Variants in MICALL1 observed in about 807,000 individuals in gnomAD.
MICALL1 encodes the protein MICAL like 1.
A neutral mutation model predicts 83.7 loss-of-function variants in MICALL1; 61 were observed. The observed-to-expected ratio is 0.73, with a 90% CI of 0.59 to 0.90. The LOEUF is 0.90. MICALL1 is among the 40% of genes least tolerant of loss of function. The pLI, the probability that MICALL1 is intolerant of heterozygous loss-of-function variation, is 0.00. For missense variants in MICALL1, 1,066 were observed against 1,152.0 expected (o/e 0.93, Z 1.08); for synonymous variants, 481 against 473.6 (o/e 1.02, Z -0.20).
intron 3 of MICALL1, among the ~76,000 whole-genome samples, chr22:37,917,259 A>T (rs1450732970): frequency 1.3e-5 from 2 of 152,014 alleles, no homozygotes; most frequent in Non-Finnish European, 2.9e-5. Flanking sequence ...CCCAATACCC[A>T]CTTGGGGATA....
rs1257665171 is a variant in MICALL1, at chr22:37,930,004, C to T, written c.1882-1795C>T. On this transcript the variant is annotated intron_variant, in intron 9 of 15. Transcript: ENST00000215957. The surrounding 1 kb of genome is among the most constrained non-coding windows in gnomAD (Gnocchi z 4.8). ...TCCTCCTCTGGGCCTCGGGCTCCCA[C>T]AGATGGTGAGGGGCTGGCGGCACCA... 1.3e-5 allele frequency among the ~76,000 whole-genome samples: 2 copies of T among 152,256 alleles called. No individual in the cohort carries two copies. Among genetic ancestry groups the T allele is most frequent in the African/African-American group, 2.4e-5 (1 of 41,474 alleles).
At chr22:37,927,207 G>T in intron 8 of MICALL1, 1 of 562,834 alleles carries the variant, frequency 1.8e-6, no homozygotes, top group East Asian at 2.9e-5. Context: ...CAAGGCGGGC[G>T]GGTTGGACTC....
chr22:37,922,312 GC>G lies in MICALL1; in HGVS notation c.915del (p.Arg306GlyfsTer35). ...CCCCCCTGCGGGCCGCCCCACCCCT[GC>G]CCCCAGGAAGGCCTCTGAGAGCACC... ...ASPPAGRPTPAPRKASESTTP... is the reference protein window; with the variant it reads ...ASPPAGRPTPXPRKASESTTP... On this transcript the variant is annotated frameshift_variant, in exon 6 of 16. Transcript: ENST00000215957. LOFTEE classifies it high-confidence loss of function. 1.3e-6 allele frequency: 2 copies of G among 1,534,160 alleles called. No individual in the cohort carries two copies. The highest frequency in any genetic ancestry group is 8.8e-7 in the Non-Finnish European group (1 of 1,140,388).
At chr22:37,931,703 T>C in intron 9 of MICALL1, 96 bp from the exon 10 acceptor site, 1 of 1,484,008 alleles carries the variant, frequency 6.7e-7, no homozygotes, top group Non-Finnish European at 9.2e-7. Flanking sequence ...GGCCCTGGAG[T>C]GCTGGCCTGC....
chr22:37,913,188 T>A (rs1928450449), intron 3 of MICALL1, among the ~76,000 whole-genome samples: 2 of 151,700 alleles, frequency 1.3e-5, no homozygotes, highest in African/African-American at 4.8e-5. Flanking sequence ...GGTCTTGAAC[T>A]CCTGACCTCA....
intron 3 of MICALL1, among the ~76,000 whole-genome samples, chr22:37,914,794 A>G (rs920620212): frequency 2.6e-5 from 4 of 151,174 alleles, no homozygotes; most frequent in Admixed American, 6.6e-5. Flanking sequence ...GGTGCATGCA[A>G]CCACACCCAG....
chr22:37,924,598 C>T lies in MICALL1; in HGVS notation c.1025-62C>T. On this transcript the variant is annotated intron_variant, in intron 6 of 15. Transcript: ENST00000215957. The surrounding 1 kb of genome is among the most constrained non-coding windows in gnomAD (Gnocchi z 5.2). ...CTGGGGAGGCAGGTGCTGTGGCTGG[C>T]TCCCTGGGTGCCCACCTCCTGCTGC... is the stretch of plus-strand genomic sequence containing the variant. 6.4e-7 allele frequency: 1 copy of T among 1,551,702 alleles called. No homozygotes were observed. Among genetic ancestry groups the T allele is most frequent in the Admixed American group, 1.7e-5 (1 of 57,654 alleles).
chr22:37,922,801 T>TTTG (rs1555924472), intron 6 of MICALL1, among the ~76,000 whole-genome samples: 5 of 137,572 alleles, frequency 3.6e-5, no homozygotes, highest in African/African-American at 1.4e-4. Flanking sequence ...TTTTTGTTTT[T>TTTG]TTTTTTTTTT....
At chr22:37,910,489 G>C (rs144040515) in intron 1 of MICALL1, among the ~76,000 whole-genome samples, 2,323 of 152,252 alleles carry the variant, frequency 0.015, 55 homozygotes, top group African/African-American at 0.053. Flanking sequence ...CAGAGGTTTC[G>C]AGAGGTGAAA....
At chr22:37,926,203 G>A (rs1208664403) in intron 8 of MICALL1, among the ~76,000 whole-genome samples, 160 bp downstream of exon 8, 4 of 152,138 alleles carry the variant, frequency 2.6e-5, no homozygotes, top group African/African-American at 7.2e-5. Flanking sequence ...AGTAGGTATC[G>A]TCACCTCCAC....
intron 15 of MICALL1, among the ~76,000 whole-genome samples, chr22:37,938,401 CAA>C (rs559904995): frequency 8.5e-5 from 5 of 59,162 alleles, no homozygotes; most frequent in Admixed American, 1.9e-4. Context: ...GACTCAGTCT[CAA>C]AAAAAAAAAA....
chr22:37,918,991 G>T, intron 4 of MICALL1, 45 bp from the exon 5 acceptor site: 1 of 1,508,724 alleles, frequency 6.6e-7, no homozygotes, highest in South Asian at 1.2e-5. Flanking sequence ...AGGATGGCTG[G>T]TGACCATGTC....
At chr22:37,921,010 C>T (rs1407859001) in intron 5 of MICALL1, among the ~76,000 whole-genome samples, 7 of 151,838 alleles carry the variant, frequency 4.6e-5, no homozygotes, top group Non-Finnish European at 1.0e-4. Flanking sequence ...ATCACTTGAG[C>T]CCAGGAGTTT....
rs912120804 is a variant in MICALL1 at position 37,924,087 on chromosome 22, G to GGA, written c.1025-566_1025-565dup. ...TTAGGGAAGGCATTGGTGGCCACGG[G>GGA]GAGAGAGACTCCCAGGGTCACCCTG... On this transcript the variant is annotated intron_variant, in intron 6 of 15. Coordinates refer to ENST00000215957, the MANE Select transcript of MICALL1 (RefSeq NM_033386.4). This position sits in a 1 kb window ranked among gnomAD's most constrained non-coding sequence, Gnocchi z 5.2. 1.3e-5 allele frequency among the ~76,000 whole-genome samples: 2 copies of GGA among 152,210 alleles called. No homozygotes were observed. Among genetic ancestry groups the GGA allele is most frequent in the Non-Finnish European group, 2.9e-5 (2 of 68,022 alleles).
Position 37,922,296 on chromosome 22 carries a change from G to A in MICALL1, c.894G>A (p.Ala298=), listed in dbSNP as rs1380734206. ...TACAGGAGCTGGCCAGCCCCCCTGC[G>A]GGCCGCCCCACCCCTGCCCCCAGGA... is the stretch of plus-strand genomic sequence containing the variant. The part of the protein sequence containing the change: ...GKLQELASPP[A]GRPTPAPRKA... The change falls in exon 6 of 16, where the codon GCG becomes GCA. Residue 298 remains alanine, a synonymous_variant. Transcript: ENST00000215957. 1.3e-6 allele frequency: 2 copies of A among 1,550,746 alleles called. No homozygotes were observed. The highest frequency in any genetic ancestry group is 1.7e-6 in the Non-Finnish European group (2 of 1,148,630).
At chr22:37,916,120 G>A (rs1006884650) in intron 3 of MICALL1, among the ~76,000 whole-genome samples, 1 of 152,186 alleles carries the variant, frequency 6.6e-6, no homozygotes, top group African/African-American at 2.4e-5. Context: ...GCTGTTGGTG[G>A]TACGCAGCTC....
rs1285567135 is a variant in MICALL1 at position 37,906,432 on chromosome 22, C to T, written c.10C>T (p.Pro4Ser). The T allele has an allele frequency of 6.9e-6, 8 of 1,153,672 alleles. No individual in the cohort carries two copies. Among genetic ancestry groups the T allele is most frequent in the African/African-American group, 1.6e-5 (1 of 61,056 alleles). 71.5% of individuals were successfully genotyped at this position (1,153,672 alleles called of 1,614,324 possible). The change falls in exon 1 of 16, where the codon CCG becomes TCG. Residue 4 changes from proline to serine, a missense_variant. Physicochemically the swap from Pro to Ser is moderately conservative, Grantham distance 74. Transcript: ENST00000215957. This position sits in a 1 kb window ranked among gnomAD's most constrained non-coding sequence, Gnocchi z 4.4. Reference sequence around the variant, plus strand: ...GGCGGGCCGCGGGGTCATGGCTGGGCCGCGGGGCGCGCTGCTGGCCTGGTG... The same window carrying T: ...GGCGGGCCGCGGGGTCATGGCTGGGTCGCGGGGCGCGCTGCTGGCCTGGTG... Reference protein sequence around the residue: MAGPRGALLAWCRR... With the variant: MAGSRGALLAWCRR...
At chr22:37,913,909 C>G (rs1193169170) in intron 3 of MICALL1, among the ~76,000 whole-genome samples, 1 of 143,764 alleles carries the variant, frequency 7.0e-6, no homozygotes, top group Non-Finnish European at 1.5e-5. Flanking sequence ...GAGTTTTGCT[C>G]TTGTTGCCTA....
intron 9 of MICALL1, among the ~76,000 whole-genome samples, chr22:37,929,009 G>A (rs1356824453): frequency 6.6e-6 from 1 of 152,096 alleles, no homozygotes; most frequent in African/African-American, 2.4e-5. Context: ...TGTAATCCTG[G>A]CTACTTGGGA....
Sources: gnomAD v4.1 joint callset for allele counts (sites outside exome capture counted in the v4.1 genomes callset) on GRCh38, gnomAD v4.1.1 for gene constraint, Gnocchi (gnomAD v3.1) non-coding constraint, MANE v1.5 for transcripts, NCBI Gene and HGNC (gene_info 2026-07-23, HGNC 2026-07-21) for gene names.